Variants in FGD4 observed in about 807,000 individuals in gnomAD.
The protein encoded by FGD4 is FYVE, RhoGEF and PH domain containing 4, also known as FYVE, RhoGEF and PH domain-containing protein 4.
Under a neutral mutation model 102.0 loss-of-function variants are expected in FGD4, and 42 were observed. The observed-to-expected ratio is 0.41, with a 90% CI of 0.32 to 0.53. The LOEUF is 0.53. Ranked by LOEUF, FGD4 falls within the 20% of genes least tolerant of loss-of-function variation. The pLI, the probability that FGD4 is intolerant of heterozygous loss-of-function variation, is 0.21. For missense variants in FGD4, 902 were observed against 1,078.2 expected, an observed-to-expected ratio of 0.84 and a Z score of 2.29; for synonymous variants, 380 against 375.7, an observed-to-expected ratio of 1.01 and a Z score of -0.13.
chr12:32,569,908 T>C (rs1231381635), intron 2 of FGD4, among the ~76,000 whole-genome samples: 11 of 152,218 alleles, frequency 7.2e-5, no homozygotes, highest in Non-Finnish European at 1.5e-5. Context: ...TGTGTTCACA[T>C]TGCTTCATAT....
At chr12:32,615,172 A>C (rs1387543794) in intron 10 of FGD4, among the ~76,000 whole-genome samples, 1 of 152,228 alleles carries the variant, frequency 6.6e-6, no homozygotes, top group Non-Finnish European at 1.5e-5. Flanking sequence ...TATATGCTAC[A>C]TGGATTAACC....
intron 1 of FGD4, among the ~76,000 whole-genome samples, chr12:32,487,868 G>A (rs1943959682): frequency 6.6e-6 from 1 of 152,156 alleles, no homozygotes; most frequent in Non-Finnish European, 1.5e-5. Context: ...ACCCGCATTA[G>A]CCATTTTAAA....
In FGD4 at chr12:32,624,181, T is replaced by C. The variant is rs147863344; in HGVS notation, c.1923-241T>C. On this transcript the variant is annotated intron_variant, in intron 11 of 16. Coordinates refer to ENST00000534526, the MANE Select transcript of FGD4 (RefSeq NM_001370298.3). ...TGATGGTTATTAAACAGTATATAAA[T>C]GGAAGCTAAACCTAACTAACCCCAT... Among the ~76,000 whole-genome samples, 128 of 152,290 alleles carry C rather than the reference T, an allele frequency of 8.4e-4. 1 individual carries two copies. Among genetic ancestry groups the C allele is most frequent in the African/African-American group, 2.8e-3 (118 of 41,564 alleles).
At position 32,576,319 on chromosome 12, in the gene FGD4, A is replaced by C. The variant is rs779132042; in HGVS notation, c.373A>C (p.Thr125Pro). The change falls in exon 3 of 17, where the codon ACC (threonine) becomes CCC (proline). Residue 125 changes from threonine (T) to proline (P), a missense_variant. Transcript: ENST00000534526. ...TTCACCTTCGTCCAATATACACCAA[A>C]CCCCCAGGCATAAAGCTTTACCTAG... Reference protein sequence around the residue: ...QNSPSSNIHQTPRHKALPSAK... With the variant: ...QNSPSSNIHQPPRHKALPSAK... 7.4e-6 allele frequency: 12 copies of C among 1,613,578 alleles called. No homozygotes were observed. The highest frequency in any genetic ancestry group is 6.6e-5 in the South Asian group (6 of 91,020).
At chr12:32,449,734 T>A (rs1415283186) in intron 1 of FGD4, among the ~76,000 whole-genome samples, 1 of 151,976 alleles carries the variant, frequency 6.6e-6, no homozygotes, top group African/African-American at 2.4e-5. Flanking sequence ...ATGTAACTGT[T>A]TCATTTCTTT....
intron 3 of FGD4, among the ~76,000 whole-genome samples, chr12:32,578,389 T>C (rs1184268628): frequency 2.0e-5 from 3 of 152,120 alleles, no homozygotes; most frequent in African/African-American, 4.8e-5. Flanking sequence ...ATTGCAAGGG[T>C]CGTTTTCATT....
chr12:32,566,653 C>G (rs1306509634), intron 2 of FGD4, among the ~76,000 whole-genome samples: 1 of 151,374 alleles, frequency 6.6e-6, no homozygotes, highest in Non-Finnish European at 1.5e-5. Flanking sequence ...ATAGATTGGT[C>G]AGTAAGTCAA....
At chr12:32,453,361 G>T (rs1056149849) in intron 1 of FGD4, among the ~76,000 whole-genome samples, 4 of 151,398 alleles carry the variant, frequency 2.6e-5, no homozygotes, top group African/African-American at 9.7e-5. Context: ...AGCCTCCCGA[G>T]TAGCTGGGAT....
At chr12:32,594,538 C>A (rs1947721282) in intron 4 of FGD4, among the ~76,000 whole-genome samples, 1 of 152,070 alleles carries the variant, frequency 6.6e-6, no homozygotes. Flanking sequence ...GTGCTTAAAT[C>A]ATCCTGAAAC....
intron 1 of FGD4, among the ~76,000 whole-genome samples, chr12:32,406,987 A>G (rs1158107747): frequency 6.6e-6 from 1 of 151,044 alleles, no homozygotes; most frequent in Non-Finnish European, 1.5e-5. Context: ...TAATTTTTGT[A>G]TTTTTAGTAG....
intron 2 of FGD4, among the ~76,000 whole-genome samples, chr12:32,569,340 C>T (rs560437500): frequency 6.6e-6 from 1 of 152,260 alleles, no homozygotes; most frequent in East Asian, 1.9e-4. Flanking sequence ...CCTGCAGGGA[C>T]TTCTCATTTC....
At chr12:32,611,348 G>T in intron 10 of FGD4, 65 bp downstream of exon 10, 1 of 1,587,080 alleles carries the variant, frequency 6.3e-7, no homozygotes, top group Non-Finnish European at 8.6e-7. Flanking sequence ...GGGCACGGTG[G>T]CTCATGCCTG....
Position 32,582,335 on chromosome 12 carries a change from C to T in FGD4, c.879C>T (p.Tyr293=), listed in dbSNP as rs149698976. 3 of 1,614,100 alleles carry T rather than the reference C, an allele frequency of 1.9e-6. No individual in the cohort carries two copies. The highest frequency in any genetic ancestry group is 1.3e-5 in the African/African-American group (1 of 74,938). The change falls in exon 4 of 17, where the codon TAC becomes TAT. Residue 293 remains tyrosine (Y), a synonymous_variant. Coordinates refer to ENST00000534526, the MANE Select transcript of FGD4 (RefSeq NM_001370298.3). ...SCDGNASDSS[Y]RTPGIGPVLP... ...ATGGAAATGCTTCTGACAGTAGCTA[C>T]AGGACTCCAGGCATAGGCCCAGTGC... is the stretch of plus-strand genomic sequence containing the variant.
chr12:32,638,656 T>C lies in FGD4; in HGVS notation c.2315T>C (p.Ile772Thr), dbSNP rs1422327026. The C allele has an allele frequency of 1.2e-6, 2 of 1,614,070 alleles. No homozygotes were observed. The highest frequency in any genetic ancestry group is 4.5e-5 in the East Asian group (2 of 44,898). ...TGTCTTTCCATTATATTTTTCTAGATTGAATCAGCAGAAGTATCTGGAAAC... is the reference window on the plus strand; with the variant it reads ...TGTCTTTCCATTATATTTTTCTAGACTGAATCAGCAGAAGTATCTGGAAAC... Reference protein sequence around the residue: ...EEKKRKGILEIESAEVSGNSV... With the variant: ...EEKKRKGILETESAEVSGNSV... The change falls in exon 16 of 17, where the codon ATT becomes ACT. Residue 772 changes from isoleucine (I) to threonine (T), a missense_variant and splice_region_variant. Coordinates refer to ENST00000534526, the MANE Select transcript of FGD4 (RefSeq NM_001370298.3).
At chr12:32,512,375 A>G (rs1296563691) in intron 1 of FGD4, among the ~76,000 whole-genome samples, 2 of 151,644 alleles carry the variant, frequency 1.3e-5, no homozygotes, top group East Asian at 3.9e-4. Flanking sequence ...TGAACCTGGG[A>G]GATGGAGGTT....
chr12:32,597,913 T>G (rs1948040823), intron 4 of FGD4, among the ~76,000 whole-genome samples: 1 of 152,218 alleles, frequency 6.6e-6, no homozygotes, highest in South Asian at 2.1e-4. Context: ...GGTCTTGCTC[T>G]GTCACCCAGG....
intron 10 of FGD4, among the ~76,000 whole-genome samples, chr12:32,614,681 A>G (rs138371282): frequency 6.6e-6 from 1 of 152,284 alleles, no homozygotes; most frequent in East Asian, 1.9e-4. Flanking sequence ...CAGTCCTCTG[A>G]CTTCTTTTTG....
chr12:32,471,383 C>T (rs143945236), intron 1 of FGD4, among the ~76,000 whole-genome samples: 2 of 152,296 alleles, frequency 1.3e-5, no homozygotes, highest in African/African-American at 4.8e-5. Flanking sequence ...TGTTATGTGT[C>T]TCTGGAGAAC....
intron 1 of FGD4, among the ~76,000 whole-genome samples, chr12:32,558,447 A>G (rs1200738329): frequency 1.3e-5 from 2 of 152,208 alleles, no homozygotes; most frequent in Admixed American, 1.3e-4. Context: ...GCAAGACCGT[A>G]TAAAGCTGTG....
Sources: gnomAD v4.1 joint callset for allele counts (sites outside exome capture counted in the v4.1 genomes callset) on GRCh38, gnomAD v4.1.1 for gene constraint, MANE v1.5 for transcripts, NCBI Gene and HGNC (gene_info 2026-07-23, HGNC 2026-07-21) for gene names.